TENM2: variants seen among roughly 807,000 people sequenced by gnomAD.
TENM2 encodes teneurin transmembrane protein 2, also known as teneurin-2.
TENM2 carries 52 observed loss-of-function variants against 245.2 expected under a neutral mutation model. That is an observed-to-expected ratio of 0.21 (90% CI 0.17 to 0.27). The LOEUF (loss-of-function observed/expected upper bound fraction) is 0.27. Ranked by LOEUF, TENM2 falls within the 10% of genes least tolerant of loss-of-function variation. The pLI is 1.00. For synonymous variants in TENM2, 1,363 were observed against 1,438.9 expected, an observed-to-expected ratio of 0.95 and a Z score of 1.19; for missense variants, 3,046 against 3,666.8, an observed-to-expected ratio of 0.83 and a Z score of 4.37.
At chr5:167,364,020 A>C (rs1472700234) in intron 1 of TENM2, among the ~76,000 whole-genome samples, 1 of 152,122 alleles carries the variant, frequency 6.6e-6, no homozygotes, top group Non-Finnish European at 1.5e-5. Flanking sequence ...GAGTAATCAT[A>C]AGAAATCAGC....
At chr5:168,224,314 A>G (rs1012168327) in intron 23 of TENM2, among the ~76,000 whole-genome samples, 6 of 152,102 alleles carry the variant, frequency 3.9e-5, no homozygotes, top group Admixed American at 1.3e-4. Context: ...GTGGATCCTG[A>G]GCTCACAGAC....
At chr5:167,288,981 G>T (rs953834139) in intron 1 of TENM2, among the ~76,000 whole-genome samples, 1 of 152,200 alleles carries the variant, frequency 6.6e-6, no homozygotes, top group African/African-American at 2.4e-5. Context: ...AGGAACTGTA[G>T]TTAACAGTAT....
chr5:167,929,459 T>A (rs1450800240), intron 3 of TENM2, among the ~76,000 whole-genome samples: 1 of 152,198 alleles, frequency 6.6e-6, no homozygotes, highest in Non-Finnish European at 1.5e-5. Flanking sequence ...CAGAATACCC[T>A]GCACATTCCC....
chr5:167,563,928 G>A (rs1212198942), intron 2 of TENM2, among the ~76,000 whole-genome samples: 2 of 152,166 alleles, frequency 1.3e-5, no homozygotes, highest in African/African-American at 4.8e-5. Context: ...ACTCTATGAT[G>A]TTTGCACAAT....
chr5:167,724,188 C>A (rs1759829536), intron 2 of TENM2, among the ~76,000 whole-genome samples: 2 of 152,130 alleles, frequency 1.3e-5, no homozygotes, highest in African/African-American at 4.8e-5. Context: ...AGCAAACTTT[C>A]TATGTAGTAC....
intron 2 of TENM2, among the ~76,000 whole-genome samples, chr5:167,439,354 G>A (rs954631151): frequency 1.3e-5 from 2 of 152,112 alleles, no homozygotes; most frequent in African/African-American, 4.8e-5. Context: ...ATGAATGGCG[G>A]GTTGCTTCCT....
chr5:167,739,224 G>A (rs1243013828), intron 2 of TENM2, among the ~76,000 whole-genome samples: 3 of 151,932 alleles, frequency 2.0e-5, no homozygotes, highest in African/African-American at 4.8e-5. Context: ...TGTAATTTGG[G>A]AATAGTCTAT....
At chr5:167,039,553 A>G in the TENM2 span, among the ~76,000 whole-genome samples, 5 of 152,164 alleles carry the variant, frequency 3.3e-5, no homozygotes, top group South Asian at 1.0e-3. Flanking sequence ...TCATACTGCA[A>G]TTGTATAGTC....
rs750664718 is a variant in TENM2 at position 168,228,025 on chromosome 5, C to T, written c.5415C>T (p.Arg1805=). 5.0e-6 allele frequency: 8 copies of T among 1,613,812 alleles called. No homozygotes were observed. The African/African-American group carries it at 9.3e-5, about 19-fold the overall frequency. ...GCACCATCACCCCCACCATTGGACG[C>T]TGCAACATCTCCCTGCCTATGGAGA... The change falls in exon 25 of 29, where the codon CGC becomes CGT. Residue 1805 remains arginine (R), a synonymous_variant. Coordinates refer to ENST00000518659, the Ensembl canonical transcript of TENM2.
rs557926702 is a variant in TENM2 at position 167,432,892 on chromosome 5, T to G, written c.502+57419T>G. ...CCCTGAAATTTAGACGTTCATAGTA[T>G]GTACTTTGGTCAAAGATTGAATATC... On this transcript the variant is annotated intron_variant, in intron 2 of 28. Transcript: ENST00000518659. Among the ~76,000 whole-genome samples, 132 of 152,286 alleles carry G rather than the reference T, an allele frequency of 8.7e-4. 1 individual carries two copies. Among genetic ancestry groups the G allele is most frequent in the Admixed American group, 5.1e-3 (78 of 15,298 alleles).
the TENM2 span, among the ~76,000 whole-genome samples, chr5:167,070,029 G>C: frequency 1.3e-5 from 2 of 152,060 alleles, no homozygotes; most frequent in African/African-American, 4.8e-5. Context: ...CCGTCTTAAA[G>C]CGTGTGCCAT....
intron 2 of TENM2, among the ~76,000 whole-genome samples, chr5:167,859,770 C>G (rs1225642828): frequency 1.2e-5 from 1 of 81,668 alleles, no homozygotes; most frequent in African/African-American, 6.0e-5. Context: ...CCGCCCTGTC[C>G]GGGAGGGAGG....
At chr5:168,115,392 G>GGAAGGAAGGAAA (rs1252319909) in intron 9 of TENM2, among the ~76,000 whole-genome samples, 1 of 108,802 alleles carries the variant, frequency 9.2e-6, no homozygotes, top group East Asian at 3.3e-4. Context: ...AAGGAAGGAA[G>GGAAGGAAGGAAA]GAAGGAAGGA....
chr5:168,128,319 A>G (rs934474357), intron 12 of TENM2, among the ~76,000 whole-genome samples: 6 of 152,228 alleles, frequency 3.9e-5, no homozygotes, highest in Non-Finnish European at 7.3e-5. Context: ...GCACAGCCCT[A>G]TACTGAGACA....
At chr5:167,062,512 A>T in the TENM2 span, among the ~76,000 whole-genome samples, 245 of 151,846 alleles carry the variant, frequency 1.6e-3, 2 homozygotes, top group African/African-American at 5.8e-3. Flanking sequence ...TGAAAAAAAA[A>T]ATCTGTGTCT....
At chr5:167,358,293 C>A (rs572167075) in intron 1 of TENM2, among the ~76,000 whole-genome samples, 1 of 152,182 alleles carries the variant, frequency 6.6e-6, no homozygotes, top group African/African-American at 2.4e-5. Flanking sequence ...GCCAAGGTCA[C>A]CAATGATTAC....
intron 26 of TENM2, among the ~76,000 whole-genome samples, chr5:168,245,880 A>T (rs977724195): frequency 3.3e-5 from 5 of 151,930 alleles, no homozygotes; most frequent in African/African-American, 1.2e-4. Flanking sequence ...AATTGAAGTC[A>T]TTTTTTTCCC....
intron 13 of TENM2, among the ~76,000 whole-genome samples, chr5:168,180,873 G>T (rs1342165127): frequency 6.6e-6 from 1 of 151,498 alleles, no homozygotes; most frequent in Non-Finnish European, 1.5e-5. Context: ...TTGCACTCCA[G>T]CCTAGGCAAC....
exon 12 of TENM2, chr5:168,126,895 A>G (rs1795891948): frequency 1.2e-6 from 2 of 1,608,774 alleles, no homozygotes; most frequent in African/African-American, 2.7e-5. Context: ...AAAGATGGCA[A>G]ATGTGAATGC....
Sources: allele counts gnomAD v4.1 joint callset (sites outside exome capture counted in the v4.1 genomes callset), GRCh38; gene constraint gnomAD v4.1.1; transcripts MANE v1.5; gene names NCBI Gene and HGNC (gene_info 2026-07-23, HGNC 2026-07-21).